The following STUM variants were observed in gnomAD, a reference collection of about 807,000 sequenced individuals.
STUM encodes the protein stum, mechanosensory transduction mediator homolog.
A neutral mutation model predicts 15.3 loss-of-function variants in STUM; 8 were observed. The ratio of observed to expected loss-of-function variants is 0.52; its 90% CI spans 0.31 to 0.94. The LOEUF is 0.94. Ranked by LOEUF, STUM falls within the 40% of genes least tolerant of loss-of-function variation. The pLI, the probability that STUM is intolerant of heterozygous loss-of-function variation, is 0.05. For synonymous variants in STUM, 78 were observed against 88.7 expected, an observed-to-expected ratio of 0.88 and a Z score of 0.68; for missense variants, 142 against 204.9, an observed-to-expected ratio of 0.69 and a Z score of 1.87.
At position 226,603,938 on chromosome 1, in the gene STUM, G is replaced by C. The variant is rs1265311004; in HGVS notation, c.*1898G>C. 1 of 152,360 alleles carries C rather than the reference G, an allele frequency of 6.6e-6. No homozygotes were observed. Among genetic ancestry groups the C allele is most frequent in the Non-Finnish European group, 1.5e-5 (1 of 68,158 alleles). 9.4% of individuals were successfully genotyped at this position (152,360 alleles called of 1,614,324 possible). On this transcript the variant is annotated 3_prime_UTR_variant, in exon 4 of 4. Transcript: ENST00000366788. ...CTAAAAAGCTAGAACCTTCTGCTGT[G>C]TGCAGCAGGCATCCTCCAGGCTGGT...
intron 1 of STUM, among the ~76,000 whole-genome samples, chr1:226,563,997 C>T (rs74441705): frequency 3.3e-5 from 5 of 152,304 alleles, no homozygotes; most frequent in East Asian, 1.9e-4. Flanking sequence ...CCAAAAGGCT[C>T]GGGTGGTCTT....
At chr1:226,562,663 A>G (rs1015182162) in intron 1 of STUM, among the ~76,000 whole-genome samples, 8 of 152,160 alleles carry the variant, frequency 5.3e-5, no homozygotes, top group Admixed American at 3.9e-4. Context: ...AGACAAACCC[A>G]AATTGAGGGG....
chr1:226,549,412 G>T lies in STUM; in HGVS notation c.202+306G>T, dbSNP rs837448. Among the ~76,000 whole-genome samples, 177 of 152,322 alleles carry T rather than the reference G, an allele frequency of 1.2e-3. No homozygotes were observed. The highest frequency in any genetic ancestry group is 4.0e-3 in the African/African-American group (165 of 41,588). Reference sequence around the variant, plus strand: ...ATGGCTCTGCCGGCTTCGGAGTAGGGCTCCCGTCCCGGCGCCCCGATTTCT... The same window carrying T: ...ATGGCTCTGCCGGCTTCGGAGTAGGTCTCCCGTCCCGGCGCCCCGATTTCT... On this transcript the variant is annotated intron_variant, in intron 1 of 3. Coordinates refer to ENST00000366788, the MANE Select transcript of STUM (RefSeq NM_001003665.4). This position sits in a 1 kb window ranked among gnomAD's most constrained non-coding sequence, Gnocchi z 6.8.
In STUM at chr1:226,567,106, G is replaced by A. The variant is rs1185737628; in HGVS notation, c.202+18000G>A. Among the ~76,000 whole-genome samples, 2 of 152,218 alleles carry A rather than the reference G, an allele frequency of 1.3e-5. No individual in the cohort carries two copies. Among genetic ancestry groups the A allele is most frequent in the Non-Finnish European group, 2.9e-5 (2 of 68,034 alleles). On this transcript the variant is annotated intron_variant, in intron 1 of 3. Transcript: ENST00000366788. This position sits in a 1 kb window ranked among gnomAD's most constrained non-coding sequence, Gnocchi z 4.5. ...CTTGGAAGTAGATCTGGTTGGGGGA[G>A]AAGGAGACCAGCCTGTTCCTAGGAT...
chr1:226,552,246 A>G lies in STUM; in HGVS notation c.202+3140A>G, dbSNP rs1667384985. ...GAGTGGGATGTGCTGTCTCCTAGGG[A>G]GTGGCTGGAAAGGAGAAGTGATTTA... On this transcript the variant is annotated intron_variant, in intron 1 of 3. Transcript: ENST00000366788. The surrounding 1 kb of genome is among the most constrained non-coding windows in gnomAD (Gnocchi z 4.7). 6.6e-6 allele frequency among the ~76,000 whole-genome samples: 1 copy of G among 152,018 alleles called. No homozygotes were observed. The highest frequency in any genetic ancestry group is 1.5e-5 in the Non-Finnish European group (1 of 68,006).
rs1345920248 is a variant in STUM, at chr1:226,603,789, C to A, written c.*1749C>A. The A allele has an allele frequency of 6.6e-6, 1 of 152,424 alleles. No individual in the cohort carries two copies. The highest frequency in any genetic ancestry group is 1.9e-4 in the East Asian group (1 of 5,204). The allele number at this position is 152,424 out of a possible 1,614,324, so 9.4% of individuals were successfully genotyped here. On this transcript the variant is annotated 3_prime_UTR_variant, in exon 4 of 4. Coordinates refer to ENST00000366788, the MANE Select transcript of STUM (RefSeq NM_001003665.4). The stretch of plus-strand genomic sequence containing the variant: ...GGGGCTGGGCTGCCGTTTTTGAACA[C>A]CTGGCAGTGTCTTTGTCGCGTCCTG...
intron 1 of STUM, among the ~76,000 whole-genome samples, chr1:226,594,848 A>G (rs1300450038): frequency 6.6e-6 from 1 of 151,990 alleles, no homozygotes. Context: ...TAGAGACAGG[A>G]TTTCACCATG....
chr1:226,573,085 G>A (rs1207254458), intron 1 of STUM, among the ~76,000 whole-genome samples: 1 of 152,216 alleles, frequency 6.6e-6, no homozygotes, highest in African/African-American at 2.4e-5. Context: ...CCAACTTTCC[G>A]GAGTTGGTCC....
In STUM at chr1:226,600,800, T is replaced by C. The variant is rs926204374; in HGVS notation, c.391+126T>C. 1.1e-5 allele frequency: 12 copies of C among 1,054,078 alleles called. No individual in the cohort carries two copies. The Middle Eastern group carries it at 1.7e-3, about 153-fold the overall frequency. The allele number at this position is 1,054,078 out of a possible 1,614,324, so 65.3% of individuals were successfully genotyped here. The stretch of plus-strand genomic sequence containing the variant: ...CAGTGGGTCAATGGGCTTTTATGTT[T>C]AGCTTGAACTTTTGGTTTGGAAAAT... On this transcript the variant is annotated intron_variant, in intron 3 of 3. Transcript: ENST00000366788. This position sits in a 1 kb window ranked among gnomAD's most constrained non-coding sequence, Gnocchi z 5.2.
chr1:226,580,947 C>T (rs1269424016), intron 1 of STUM, among the ~76,000 whole-genome samples: 1 of 152,200 alleles, frequency 6.6e-6, no homozygotes, highest in Non-Finnish European at 1.5e-5. Flanking sequence ...GCTGGCAGGG[C>T]AGCTCTCTTC....
intron 1 of STUM, among the ~76,000 whole-genome samples, chr1:226,559,950 G>A (rs1329256870): frequency 1.3e-5 from 2 of 148,434 alleles, no homozygotes; most frequent in Non-Finnish European, 3.0e-5. Context: ...GTCCAGCCTG[G>A]GCAACAGAGC....
intron 1 of STUM, among the ~76,000 whole-genome samples, chr1:226,563,789 C>T (rs893900748): frequency 6.6e-6 from 1 of 152,262 alleles, no homozygotes; most frequent in Non-Finnish European, 1.5e-5. Context: ...GAGAGAACTG[C>T]CCCTTTGCCT....
chr1:226,559,686 G>A (rs1228955362), intron 1 of STUM, among the ~76,000 whole-genome samples: 1 of 152,210 alleles, frequency 6.6e-6, no homozygotes, highest in African/African-American at 2.4e-5. Context: ...CAAAGTGTAT[G>A]ATTCAGCCAG....
At chr1:226,585,836 G>T (rs1349275365) in intron 1 of STUM, among the ~76,000 whole-genome samples, 1 of 152,206 alleles carries the variant, frequency 6.6e-6, no homozygotes, top group East Asian at 1.9e-4. Context: ...CTTAGTTCAG[G>T]CTGCTATAAC....
chr1:226,595,433 C>T (rs948786474), intron 1 of STUM, among the ~76,000 whole-genome samples: 13 of 152,138 alleles, frequency 8.5e-5, no homozygotes, highest in East Asian at 3.9e-4. Flanking sequence ...CTCCACCAGC[C>T]GTCTAGGAAC....
chr1:226,566,408 A>G (rs1232949361), intron 1 of STUM, among the ~76,000 whole-genome samples: 1 of 152,226 alleles, frequency 6.6e-6, no homozygotes, highest in Non-Finnish European at 1.5e-5. Flanking sequence ...AGGTTTTATA[A>G]TAGAGATTCA....
chr1:226,580,003 T>C (rs1249058619), intron 1 of STUM, among the ~76,000 whole-genome samples: 1 of 152,126 alleles, frequency 6.6e-6, no homozygotes, highest in African/African-American at 2.4e-5. Flanking sequence ...CTGTAGCTGT[T>C]GTAGGCAGCA....
intron 1 of STUM, among the ~76,000 whole-genome samples, chr1:226,572,126 T>A (rs1443449634): frequency 6.6e-6 from 1 of 152,184 alleles, no homozygotes; most frequent in Admixed American, 6.5e-5. Context: ...GGCATGATGA[T>A]GATACCGGCT....
chr1:226,562,168 A>T (rs903754467), intron 1 of STUM, among the ~76,000 whole-genome samples: 15 of 152,142 alleles, frequency 9.9e-5, no homozygotes, highest in African/African-American at 3.6e-4. Context: ...GAATTTTGTG[A>T]TATGAACATT....
Sources: gnomAD v4.1 joint callset for allele counts (sites outside exome capture counted in the v4.1 genomes callset) on GRCh38, gnomAD v4.1.1 for gene constraint, Gnocchi (gnomAD v3.1) non-coding constraint, MANE v1.5 for transcripts, NCBI Gene and HGNC (gene_info 2026-07-23, HGNC 2026-07-21) for gene names.